ST6GALNAC3: variants seen among roughly 807,000 people sequenced by gnomAD.
The protein encoded by ST6GALNAC3 is ST6 N-acetylgalactosaminide alpha-2,6-sialyltransferase 3.
Under a neutral mutation model 32.7 loss-of-function variants are expected in ST6GALNAC3, and 25 were observed. That is an observed-to-expected ratio of 0.76 (90% CI 0.56 to 1.07). ST6GALNAC3 has a LOEUF of 1.07. Ranked by LOEUF, ST6GALNAC3 falls within the 50% of genes least tolerant of loss-of-function variation. ST6GALNAC3 has a pLI of 0.00. For synonymous variants in ST6GALNAC3, 129 were observed against 133.1 expected (o/e 0.97, Z 0.21); for missense variants, 355 against 382.4 (o/e 0.93, Z 0.60).
At chr1:76,314,951 A>G (rs1000452193) in intron 2 of ST6GALNAC3, among the ~76,000 whole-genome samples, 1 of 152,104 alleles carries the variant, frequency 6.6e-6, no homozygotes, top group Non-Finnish European at 1.5e-5. Context: ...GCATTCTGGG[A>G]GGATGCTAAG....
At chr1:76,351,279 C>T (rs537821752) in intron 2 of ST6GALNAC3, among the ~76,000 whole-genome samples, 13 of 152,140 alleles carry the variant, frequency 8.5e-5, no homozygotes, top group South Asian at 6.2e-4. Context: ...TTTCAAAGAA[C>T]GTTTTTCAAA....
At chr1:76,458,754 G>A (rs982511677) in intron 3 of ST6GALNAC3, among the ~76,000 whole-genome samples, 7 of 124,700 alleles carry the variant, frequency 5.6e-5, no homozygotes, top group Non-Finnish European at 1.2e-4. Context: ...GGGAGGGGGA[G>A]GGATAGCATT....
chr1:76,503,371 C>T (rs1003044403), intron 3 of ST6GALNAC3, among the ~76,000 whole-genome samples: 1 of 152,210 alleles, frequency 6.6e-6, no homozygotes, highest in African/African-American at 2.4e-5. Context: ...CTGGGGCCTG[C>T]TCATTTGCTT....
chr1:76,515,133 C>T (rs1465398740), intron 3 of ST6GALNAC3, among the ~76,000 whole-genome samples: 1 of 152,134 alleles, frequency 6.6e-6, no homozygotes, highest in Non-Finnish European at 1.5e-5. Flanking sequence ...GTGAAGCCAT[C>T]AGGCTGGGCT....
intron 2 of ST6GALNAC3, among the ~76,000 whole-genome samples, chr1:76,359,137 T>C (rs538928967): frequency 1.3e-5 from 2 of 152,320 alleles, no homozygotes; most frequent in East Asian, 3.9e-4. Context: ...TAGTAAACCA[T>C]GTTAAGACAT....
intron 1 of ST6GALNAC3, among the ~76,000 whole-genome samples, chr1:76,151,011 C>T (rs1003445893): frequency 6.6e-6 from 1 of 152,194 alleles, no homozygotes; most frequent in African/African-American, 2.4e-5. Context: ...AGATCATCAG[C>T]CAAGTCTTCC....
At chr1:76,501,308 T>C (rs1661162786) in intron 3 of ST6GALNAC3, among the ~76,000 whole-genome samples, 1 of 152,204 alleles carries the variant, frequency 6.6e-6, no homozygotes, top group African/African-American at 2.4e-5. Context: ...ACCAAAGCCC[T>C]GGTCACACTC....
chr1:76,196,029 A>G (rs907213268), intron 1 of ST6GALNAC3, among the ~76,000 whole-genome samples: 65 of 152,236 alleles, frequency 4.3e-4, no homozygotes, highest in African/African-American at 1.4e-3. Context: ...TGAGACAAAA[A>G]TGACACTGTC....
intron 1 of ST6GALNAC3, among the ~76,000 whole-genome samples, chr1:76,193,550 A>AAAAGCCT: frequency 6.6e-6 from 1 of 152,260 alleles, no homozygotes; most frequent in South Asian, 2.1e-4. Context: ...CCATGATGGC[A>AAAAGCCT]AAAGCCTTGG....
At chr1:76,454,973 T>C (rs184985993) in intron 3 of ST6GALNAC3, among the ~76,000 whole-genome samples, 2 of 152,224 alleles carry the variant, frequency 1.3e-5, no homozygotes, top group Admixed American at 6.5e-5. Context: ...TAGTTTTGTA[T>C]TACATAGGAA....
At chr1:76,187,004 C>T (rs1653597680) in intron 1 of ST6GALNAC3, among the ~76,000 whole-genome samples, 1 of 152,192 alleles carries the variant, frequency 6.6e-6, no homozygotes, top group Non-Finnish European at 1.5e-5. Flanking sequence ...TCCTCCCACC[C>T]TTCCCACTTC....
At chr1:76,552,004 G>A (rs1290074648) in intron 3 of ST6GALNAC3, among the ~76,000 whole-genome samples, 2 of 152,230 alleles carry the variant, frequency 1.3e-5, no homozygotes, top group African/African-American at 4.8e-5. Context: ...AGCTGCTGCA[G>A]GTGGGGGAGG....
intron 1 of ST6GALNAC3, among the ~76,000 whole-genome samples, chr1:76,308,900 A>G (rs1358270873): frequency 6.6e-6 from 1 of 152,118 alleles, no homozygotes; most frequent in Non-Finnish European, 1.5e-5. Context: ...TTGTTTTATG[A>G]TTTTAACTCT....
intron 3 of ST6GALNAC3, among the ~76,000 whole-genome samples, chr1:76,465,041 G>A (rs1236977497): frequency 6.6e-6 from 1 of 152,068 alleles, no homozygotes; most frequent in East Asian, 1.9e-4. Context: ...AATCTGATTG[G>A]GATTCATCTC....
intron 2 of ST6GALNAC3, among the ~76,000 whole-genome samples, chr1:76,401,200 T>C (rs1653388010): frequency 1.3e-5 from 2 of 152,128 alleles, no homozygotes; most frequent in Admixed American, 6.5e-5. Flanking sequence ...ATTCTGAGTC[T>C]CTTATCTTAT....
chr1:76,155,560 C>T (rs1223090355), intron 1 of ST6GALNAC3, among the ~76,000 whole-genome samples: 3 of 152,002 alleles, frequency 2.0e-5, no homozygotes, highest in South Asian at 2.1e-4. Flanking sequence ...CTCCGCCTCC[C>T]GGGTTCATGC....
intron 2 of ST6GALNAC3, among the ~76,000 whole-genome samples, chr1:76,384,604 A>T (rs1372306481): frequency 1.3e-5 from 2 of 152,186 alleles, no homozygotes; most frequent in Non-Finnish European, 2.9e-5. Flanking sequence ...AGTAAACATA[A>T]CACCTTTAAC....
At chr1:76,550,072 C>A (rs1486892900) in intron 3 of ST6GALNAC3, among the ~76,000 whole-genome samples, 1 of 152,140 alleles carries the variant, frequency 6.6e-6, no homozygotes, top group African/African-American at 2.4e-5. Context: ...GATAGCAATT[C>A]TTTGTTGTTA....
Position 76,509,664 on chromosome 1 carries a change from T to C in ST6GALNAC3, c.623+97247T>C, listed in dbSNP as rs988826342. Among the ~76,000 whole-genome samples, 7 of 152,200 alleles carry C rather than the reference T, an allele frequency of 4.6e-5. No homozygotes were observed. Among genetic ancestry groups the C allele is most frequent in the African/African-American group, 1.7e-4 (7 of 41,452 alleles). On this transcript the variant is annotated intron_variant, in intron 3 of 4. Transcript: ENST00000328299. This position sits in a 1 kb window ranked among gnomAD's most constrained non-coding sequence, Gnocchi z 5.5. ...GAAGTTAGAAGTCTAAAATGGGTTG[T>C]TAGGGCTGCATTCCTTCTGGAAGAT... is the stretch of plus-strand genomic sequence containing the variant.
Sources: allele counts gnomAD v4.1 joint callset (sites outside exome capture counted in the v4.1 genomes callset), GRCh38; gene constraint gnomAD v4.1.1; non-coding constraint Gnocchi (gnomAD v3.1); transcripts MANE v1.5; gene names NCBI Gene and HGNC (gene_info 2026-07-23, HGNC 2026-07-21).